TSPAN18: variants seen among roughly 807,000 people sequenced by gnomAD.
The protein encoded by TSPAN18 is tetraspanin-18.
A neutral mutation model predicts 27.3 loss-of-function variants in TSPAN18; 14 were observed. The observed-to-expected ratio is 0.51, with a 90% CI of 0.34 to 0.80. The LOEUF is 0.80. TSPAN18 is among the 30% of genes least tolerant of loss of function. TSPAN18 has a pLI of 0.01. For missense variants in TSPAN18, 268 were observed against 323.9 expected, an observed-to-expected ratio of 0.83 and a Z score of 1.32; for synonymous variants, 143 against 136.5, an observed-to-expected ratio of 1.05 and a Z score of -0.33.
intron 2 of TSPAN18, among the ~76,000 whole-genome samples, chr11:44,824,087 A>C (rs2135127466): frequency 6.6e-6 from 1 of 152,274 alleles, no homozygotes; most frequent in African/African-American, 2.4e-5. Flanking sequence ...TTCCCTCAAC[A>C]TAAAGCCTGC....
intron 2 of TSPAN18, among the ~76,000 whole-genome samples, chr11:44,804,628 C>T (rs1414485216): frequency 1.3e-5 from 2 of 152,294 alleles, no homozygotes; most frequent in East Asian, 1.9e-4. Context: ...GACTGGCGAG[C>T]AGCGATGAGG....
intron 2 of TSPAN18, among the ~76,000 whole-genome samples, chr11:44,808,215 A>G (rs1056884249): frequency 6.6e-6 from 1 of 152,220 alleles, no homozygotes; most frequent in Non-Finnish European, 1.5e-5. Flanking sequence ...GAAGGCACTC[A>G]GGCTCAGAGA....
At chr11:44,873,763 G>A (rs1342880176) in intron 3 of TSPAN18, among the ~76,000 whole-genome samples, 2 of 152,204 alleles carry the variant, frequency 1.3e-5, no homozygotes, top group Admixed American at 1.3e-4. Context: ...GACTTAGGAT[G>A]TGCCTGTTAC....
chr11:44,834,705 G>A (rs1857229051), intron 2 of TSPAN18, among the ~76,000 whole-genome samples: 1 of 152,166 alleles, frequency 6.6e-6, no homozygotes, highest in Admixed American at 6.5e-5. Flanking sequence ...CTCTGACCTC[G>A]ATGTCTTTAT....
At chr11:44,815,513 G>A (rs979747284) in intron 2 of TSPAN18, among the ~76,000 whole-genome samples, 2 of 152,120 alleles carry the variant, frequency 1.3e-5, no homozygotes, top group East Asian at 3.9e-4. Flanking sequence ...TGGAGTGTGT[G>A]GTGTGTGAAG....
chr11:44,726,897 G>GGGAGGGCGGGGGAGGGGGAA (rs1357066470), upstream of TSPAN18: 2 of 128,288 alleles, frequency 1.6e-5, no homozygotes, highest in East Asian at 5.7e-4. Flanking sequence ...GGGAGGGGGA[G>GGGAGGGCGGGGGAGGGGGAA]GGAGGGCGGG....
chr11:44,904,052 C>T lies in TSPAN18; in HGVS notation c.-10-2355C>T, dbSNP rs117433479. ...TGATCTCAGGAAAACCCTGATTTCC[C>T]ATTACCCCAACACAATTTAAGAGAA... On this transcript the variant is annotated intron_variant, in intron 3 of 9. Transcript: ENST00000520358. Among the ~76,000 whole-genome samples the T allele has an allele frequency of 8.1e-4, 124 of 152,278 alleles. No individual in the cohort carries two copies. The East Asian group carries it at 0.017, about 20-fold the overall frequency.
intron 3 of TSPAN18, among the ~76,000 whole-genome samples, chr11:44,891,632 C>T (rs908716474): frequency 7.2e-5 from 11 of 152,166 alleles, no homozygotes; most frequent in African/African-American, 1.9e-4. Context: ...GGCTGGGCAG[C>T]GGACACGGTG....
intron 2 of TSPAN18, among the ~76,000 whole-genome samples, chr11:44,798,727 G>A (rs1245401871): frequency 3.3e-5 from 5 of 152,214 alleles, no homozygotes; most frequent in Non-Finnish European, 7.3e-5. Flanking sequence ...TTGGTCAGGA[G>A]CTCAGGCTAG....
At position 44,908,815 on chromosome 11, in the gene TSPAN18, G is replaced by GAAAGA. The variant is rs1554938141; in HGVS notation, c.64-887_64-883dup. ...AGAAAGAAAGAAAGAAAGAAAGAAA[G>GAAAGA]AAAGAAAGAAAGAAAAAGAAAAATG... On this transcript the variant is annotated intron_variant, in intron 4 of 9. Coordinates refer to ENST00000520358, the MANE Select transcript of TSPAN18 (RefSeq NM_130783.5). Among the ~76,000 whole-genome samples the GAAAGA allele has an allele frequency of 7.0e-4, 81 of 115,254 alleles. 9 individuals carry two copies. Among genetic ancestry groups the GAAAGA allele is most frequent in the East Asian group, 5.2e-3 (24 of 4,646 alleles). The allele number at this position is 115,254 out of a possible 152,430, so 75.6% of individuals were successfully genotyped here.
At chr11:44,822,800 T>A (rs925355353) in intron 2 of TSPAN18, among the ~76,000 whole-genome samples, 1 of 152,102 alleles carries the variant, frequency 6.6e-6, no homozygotes, top group African/African-American at 2.4e-5. Context: ...TGAGGACAAA[T>A]GACATAAATC....
intron 1 of TSPAN18, among the ~76,000 whole-genome samples, chr11:44,743,568 G>A (rs1403587540): frequency 2.6e-5 from 4 of 152,320 alleles, no homozygotes; most frequent in Middle Eastern, 6.8e-3. Flanking sequence ...AGGAACAGCC[G>A]AGTCCTCGGA....
intron 2 of TSPAN18, among the ~76,000 whole-genome samples, chr11:44,771,737 A>G (rs1414667170): frequency 6.6e-6 from 1 of 152,244 alleles, no homozygotes; most frequent in Non-Finnish European, 1.5e-5. Flanking sequence ...ATTAGCTATC[A>G]TGAGTAAACT....
At chr11:44,826,849 AT>A (rs1461170817) in intron 2 of TSPAN18, among the ~76,000 whole-genome samples, 1 of 151,928 alleles carries the variant, frequency 6.6e-6, no homozygotes, top group East Asian at 1.9e-4. Context: ...TAGGGGCAGG[AT>A]TTTACTCTCT....
chr11:44,862,763 G>C (rs1857932189), intron 3 of TSPAN18, among the ~76,000 whole-genome samples: 1 of 152,166 alleles, frequency 6.6e-6, no homozygotes, highest in South Asian at 2.1e-4. Flanking sequence ...TAGATATGTC[G>C]GTCAGTTACT....
At chr11:44,870,101 T>C (rs1165671850) in intron 3 of TSPAN18, among the ~76,000 whole-genome samples, 1 of 152,228 alleles carries the variant, frequency 6.6e-6, no homozygotes, top group Non-Finnish European at 1.5e-5. Flanking sequence ...AGAGGTATAA[T>C]TTACACACCC....
Position 44,908,774 on chromosome 11 carries a change from A to AGAAAGAAAGAAG in TSPAN18, c.64-920_64-919insGGAAAGAAAGAA, listed in dbSNP as rs1564992576. 3.2e-5 allele frequency among the ~76,000 whole-genome samples: 3 copies of AGAAAGAAAGAAG among 92,636 alleles called. 1 individual carries two copies. Among genetic ancestry groups the AGAAAGAAAGAAG allele is most frequent in the Non-Finnish European group, 6.4e-5 (3 of 46,730 alleles). The allele number at this position is 92,636 out of a possible 152,430, so 60.8% of individuals were successfully genotyped here. On this transcript the variant is annotated intron_variant, in intron 4 of 9. Coordinates refer to ENST00000520358, the MANE Select transcript of TSPAN18 (RefSeq NM_130783.5). ...AGAGAGAGAGAGAGAGAAAGGAGAA[A>AGAAAGAAAGAAG]GAAAGAAAGAAAGAAAGAAAGAAAG...
intron 2 of TSPAN18, among the ~76,000 whole-genome samples, chr11:44,843,468 C>T (rs1008897294): frequency 2.0e-5 from 3 of 152,152 alleles, no homozygotes; most frequent in African/African-American, 4.8e-5. Context: ...AGGAATGAGG[C>T]GAAATTAAAA....
chr11:44,858,609 T>A (rs1302893737), intron 2 of TSPAN18, among the ~76,000 whole-genome samples: 6 of 152,096 alleles, frequency 3.9e-5, no homozygotes, highest in Admixed American at 3.3e-4. Flanking sequence ...GACTCCCCCC[T>A]CCATGGATCT....
Sources: allele counts gnomAD v4.1 joint callset (sites outside exome capture counted in the v4.1 genomes callset), GRCh38; gene constraint gnomAD v4.1.1; transcripts MANE v1.5; gene names NCBI Gene and HGNC (gene_info 2026-07-23, HGNC 2026-07-21).